DLGAP2: variants seen among roughly 807,000 people sequenced by gnomAD.
DLGAP2 encodes disks large-associated protein 2.
DLGAP2 carries 26 observed loss-of-function variants against 100.3 expected under a neutral mutation model. That is an observed-to-expected ratio of 0.26 (90% CI 0.19 to 0.36). The LOEUF (loss-of-function observed/expected upper bound fraction) is 0.36, where lower values mean the gene tolerates loss of function less well. Ranked by LOEUF, DLGAP2 falls within the 10% of genes least tolerant of loss-of-function variation. The pLI, the probability that DLGAP2 is intolerant of heterozygous loss-of-function variation, is 1.00. For synonymous variants in DLGAP2, 886 were observed against 630.1 expected, an observed-to-expected ratio of 1.41 and a Z score of -6.08; for missense variants, 1,858 against 1,453.2, an observed-to-expected ratio of 1.28 and a Z score of -4.53.
chr8:1,223,033 G>C (rs934437000), intron 2 of DLGAP2, among the ~76,000 whole-genome samples: 32 of 152,162 alleles, frequency 2.1e-4, no homozygotes, highest in Non-Finnish European at 1.5e-5. Context: ...AGTTCTGTCT[G>C]CCAACTCCTT....
chr8:877,401 G>T (rs535391847), intron 1 of DLGAP2, among the ~76,000 whole-genome samples: 2 of 152,300 alleles, frequency 1.3e-5, no homozygotes, highest in South Asian at 2.1e-4. Flanking sequence ...GTGGCTCCTT[G>T]TTGGGGGCAG....
intron 6 of DLGAP2, among the ~76,000 whole-genome samples, chr8:1,595,972 T>C (rs1412464997): frequency 1.3e-5 from 2 of 152,068 alleles, no homozygotes; most frequent in African/African-American, 4.8e-5. Flanking sequence ...GCTGTACCCA[T>C]TAACTCGTCA....
At chr8:934,889 A>C (rs928190847) in intron 2 of DLGAP2, among the ~76,000 whole-genome samples, 3 of 152,270 alleles carry the variant, frequency 2.0e-5, no homozygotes, top group Admixed American at 2.0e-4. Flanking sequence ...GTCCAAAGAT[A>C]GAGCTTTCCC....
chr8:1,469,453 C>G (rs1367121667), intron 3 of DLGAP2, among the ~76,000 whole-genome samples: 2 of 152,244 alleles, frequency 1.3e-5, no homozygotes, highest in Non-Finnish European at 2.9e-5. Context: ...CAGTACATCC[C>G]TCTCTGCCAT....
chr8:755,292 C>T (rs1820893438), intron 1 of DLGAP2, among the ~76,000 whole-genome samples: 2 of 152,002 alleles, frequency 1.3e-5, no homozygotes, highest in Non-Finnish European at 2.9e-5. Flanking sequence ...AACCTTGTAT[C>T]TACAAAAAAT....
chr8:953,257 C>T (rs557004987), intron 2 of DLGAP2, among the ~76,000 whole-genome samples: 2 of 152,038 alleles, frequency 1.3e-5, no homozygotes, highest in East Asian at 3.9e-4. Context: ...TGCAGTGGTG[C>T]ATTCTTGGCT....
intron 2 of DLGAP2, among the ~76,000 whole-genome samples, chr8:1,205,771 C>T (rs1008168361): frequency 1.3e-5 from 2 of 152,102 alleles, no homozygotes; most frequent in African/African-American, 2.4e-5. Flanking sequence ...ATGGCTGTGC[C>T]GTGACTGGAA....
chr8:805,363 C>T (rs1305434711), intron 1 of DLGAP2, among the ~76,000 whole-genome samples: 1 of 152,146 alleles, frequency 6.6e-6, no homozygotes, highest in Non-Finnish European at 1.5e-5. Flanking sequence ...TCAGTGTGCT[C>T]AGGGAGTTTC....
At chr8:1,520,238 C>G (rs890038685) in intron 4 of DLGAP2, among the ~76,000 whole-genome samples, 2 of 152,182 alleles carry the variant, frequency 1.3e-5, no homozygotes, top group African/African-American at 4.8e-5. Context: ...GGCCCCCACC[C>G]CGGAGCTCAT....
At chr8:1,088,858 C>G (rs1329868787) in intron 2 of DLGAP2, among the ~76,000 whole-genome samples, 1 of 103,302 alleles carries the variant, frequency 9.7e-6, no homozygotes, top group Non-Finnish European at 1.9e-5. Flanking sequence ...CCACCCCACT[C>G]TCTCCACCCC....
intron 3 of DLGAP2, among the ~76,000 whole-genome samples, chr8:1,499,011 T>G (rs1485262811): frequency 6.6e-6 from 1 of 152,230 alleles, no homozygotes; most frequent in East Asian, 1.9e-4. Flanking sequence ...CCAGACCTCC[T>G]GTTCTCTCAT....
chr8:1,454,088 T>G (rs761633301), intron 3 of DLGAP2, among the ~76,000 whole-genome samples: 23 of 152,224 alleles, frequency 1.5e-4, no homozygotes, highest in Non-Finnish European at 2.8e-4. Flanking sequence ...TGAGGCACGA[T>G]GAAGCCATGG....
chr8:1,549,741 T>C (rs1184414825), intron 5 of DLGAP2, 58 bp downstream of exon 5: 1 of 1,446,000 alleles, frequency 6.9e-7, no homozygotes, highest in African/African-American at 1.4e-5. Context: ...GTATTGTCGT[T>C]ATTCCTTTTT....
chr8:1,042,451 G>T (rs1312094803), intron 2 of DLGAP2, among the ~76,000 whole-genome samples: 1 of 152,198 alleles, frequency 6.6e-6, no homozygotes, highest in African/African-American at 2.4e-5. Flanking sequence ...TCTTGTAAAC[G>T]TGAGCCCTCA....
intron 3 of DLGAP2, among the ~76,000 whole-genome samples, chr8:1,294,044 C>G (rs1451144711): frequency 6.6e-6 from 1 of 152,152 alleles, no homozygotes; most frequent in African/African-American, 2.4e-5. Context: ...GGGCTCCCTG[C>G]CGGGCAGAGG....
At chr8:1,637,769 C>A (rs1353348021) in intron 8 of DLGAP2, among the ~76,000 whole-genome samples, 1 of 152,202 alleles carries the variant, frequency 6.6e-6, no homozygotes, top group East Asian at 1.9e-4. Context: ...GCCCCGAAGG[C>A]CTAAAGTCTG....
intron 1 of DLGAP2, among the ~76,000 whole-genome samples, chr8:794,994 C>G (rs1239414444): frequency 6.6e-6 from 1 of 152,174 alleles, no homozygotes; most frequent in African/African-American, 2.4e-5. Context: ...AGGGACTTCC[C>G]TGTTTTGAGG....
chr8:1,181,400 G>C (rs1797384564), intron 2 of DLGAP2, among the ~76,000 whole-genome samples: 1 of 152,178 alleles, frequency 6.6e-6, no homozygotes, highest in African/African-American at 2.4e-5. Flanking sequence ...TAAGGATAAT[G>C]GCCTCCAGCT....
chr8:1,669,531 C>G (rs1460569687), intron 9 of DLGAP2, among the ~76,000 whole-genome samples: 3 of 152,216 alleles, frequency 2.0e-5, no homozygotes, highest in Non-Finnish European at 4.4e-5. Flanking sequence ...CCTTTTACCC[C>G]TTCATTCAGC....
Sources: gnomAD v4.1 joint callset for allele counts (sites outside exome capture counted in the v4.1 genomes callset) on GRCh38, gnomAD v4.1.1 for gene constraint, MANE v1.5 for transcripts, NCBI Gene and HGNC (gene_info 2026-07-23, HGNC 2026-07-21) for gene names.